HECW2: variants seen among roughly 807,000 people sequenced by gnomAD.
HECW2 encodes E3 ubiquitin-protein ligase HECW2.
A neutral mutation model predicts 175.2 loss-of-function variants in HECW2; 61 were observed. The ratio of observed to expected loss-of-function variants is 0.35; its 90% CI spans 0.28 to 0.43. The LOEUF (loss-of-function observed/expected upper bound fraction) is 0.43, where lower values mean the gene tolerates loss of function less well. HECW2 is among the 20% of genes least tolerant of loss of function. The probability of loss-of-function intolerance (pLI) is 1.00; values close to 1 mark genes in which losing one functional copy is unlikely to be tolerated. For synonymous variants in HECW2, 671 were observed against 731.0 expected (o/e 0.92, Z 1.32); for missense variants, 1,524 against 2,000.5 (o/e 0.76, Z 4.54).
At chr2:196,500,655 T>C (rs1335070376) in intron 1 of HECW2, among the ~76,000 whole-genome samples, 1 of 152,250 alleles carries the variant, frequency 6.6e-6, no homozygotes, top group African/African-American at 2.4e-5. Context: ...ATTCCTTACG[T>C]TGAATAACCT....
intron 2 of HECW2, among the ~76,000 whole-genome samples, chr2:196,355,262 T>C (rs1376482831): frequency 6.6e-6 from 1 of 152,240 alleles, no homozygotes; most frequent in Non-Finnish European, 1.5e-5. Context: ...CTGCTGTCAG[T>C]ACATGATTTT....
rs534641437 is a variant in HECW2, at chr2:196,560,729, C to T, written c.-36+32779G>A. On this transcript the variant is annotated intron_variant, in intron 1 of 28. Transcript: ENST00000644978. ...TCCCACAAAAAAGTCCATACTGTTGCGGGAAGTCAGGGACCGCGAACGGAG... is the reference window on the plus strand; with the variant it reads ...TCCCACAAAAAAGTCCATACTGTTGTGGGAAGTCAGGGACCGCGAACGGAG... 5.3e-5 allele frequency among the ~76,000 whole-genome samples: 8 copies of T among 152,234 alleles called. No homozygotes were observed. The South Asian group carries it at 1.0e-3, about 20-fold the overall frequency.
chr2:196,379,517 C>G (rs1472425443), intron 2 of HECW2, among the ~76,000 whole-genome samples: 1 of 151,968 alleles, frequency 6.6e-6, no homozygotes, highest in Non-Finnish European at 1.5e-5. Flanking sequence ...AACCCCGTCT[C>G]TACTAAAAAT....
chr2:196,521,945 A>G (rs1380135722), intron 1 of HECW2, among the ~76,000 whole-genome samples: 11 of 151,992 alleles, frequency 7.2e-5, no homozygotes, highest in South Asian at 2.1e-4. Flanking sequence ...ATAAACATAC[A>G]TGTGCCTGTG....
chr2:196,299,821 CG>C (rs1339250067), intron 13 of HECW2, among the ~76,000 whole-genome samples: 2 of 151,760 alleles, frequency 1.3e-5, no homozygotes, highest in Non-Finnish European at 2.9e-5. Context: ...CCCAGCTACC[CG>C]GGAGGCTGAG....
At chr2:196,388,064 G>A (rs1694400666) in intron 2 of HECW2, among the ~76,000 whole-genome samples, 2 of 152,120 alleles carry the variant, frequency 1.3e-5, no homozygotes, top group South Asian at 4.1e-4. Context: ...ACCAATGTGG[G>A]AGGATTGCTT....
At chr2:196,203,022 CCCTGT>C (rs1375736743) in intron 28 of HECW2, among the ~76,000 whole-genome samples, 6 of 152,126 alleles carry the variant, frequency 3.9e-5, no homozygotes, top group Non-Finnish European at 8.8e-5. Context: ...TTTGACTGCA[CCCTGT>C]CATATGAGGT....
chr2:196,488,111 T>A (rs1239785564), intron 1 of HECW2, among the ~76,000 whole-genome samples: 6 of 152,206 alleles, frequency 3.9e-5, no homozygotes, highest in Non-Finnish European at 8.8e-5. Context: ...AGTAAGACTG[T>A]CATTACCACA....
At chr2:196,463,253 C>T (rs1248277235) in intron 1 of HECW2, among the ~76,000 whole-genome samples, 12 of 151,928 alleles carry the variant, frequency 7.9e-5, no homozygotes, top group Non-Finnish European at 4.4e-5. Flanking sequence ...TAACTGTTAG[C>T]ATGGGTTACT....
At chr2:196,320,161 TG>T (rs1190069575) in intron 8 of HECW2, among the ~76,000 whole-genome samples, 177 bp downstream of exon 8, 1 of 152,206 alleles carries the variant, frequency 6.6e-6, no homozygotes, top group African/African-American at 2.4e-5. Context: ...GAGACATTTT[TG>T]GGCAAACAGC....
In HECW2 at chr2:196,220,058, G is replaced by C; in HGVS notation, c.4389C>G (p.Asn1463Lys). Residue 1463 changes from asparagine (N) to lysine (K), a missense_variant, in exon 26 of 29, where the codon AAC becomes AAG. By Grantham distance (94) the Asn-to-Lys change is moderately conservative. This residue lies in a region of HECW2 where 134 missense variants were observed against 287.8 expected (regional missense o/e 0.47). Transcript: ENST00000644978. Reference protein sequence around the residue: ...TAEIDLSDWRNNTEYRGGYHD... With the variant: ...TAEIDLSDWRKNTEYRGGYHD... ...TTTCACCTCCTCTATATTCTGTGTTGTTTCTCCAATCACTTAGGTCTATTT... is the reference window on the plus strand; with the variant it reads ...TTTCACCTCCTCTATATTCTGTGTTCTTTCTCCAATCACTTAGGTCTATTT... 1 of 1,607,048 alleles carries C rather than the reference G, an allele frequency of 6.2e-7. No individual in the cohort carries two copies. The highest frequency in any genetic ancestry group is 1.3e-5 in the African/African-American group (1 of 74,866).
chr2:196,294,372 C>T (rs796435789), intron 13 of HECW2, among the ~76,000 whole-genome samples: 3 of 152,338 alleles, frequency 2.0e-5, no homozygotes, highest in South Asian at 4.1e-4. Context: ...TCTTCTCAGA[C>T]TGATTCAAAG....
intron 1 of HECW2, among the ~76,000 whole-genome samples, chr2:196,442,072 T>C (rs1490970833): frequency 6.6e-6 from 1 of 152,026 alleles, no homozygotes; most frequent in Non-Finnish European, 1.5e-5. Context: ...TTAAAGACAG[T>C]TCAAGAATGC....
rs1394694335 is a variant in HECW2 at position 196,197,692 on chromosome 2, TC to T, written c.*3584del. On this transcript the variant is annotated 3_prime_UTR_variant, in exon 29 of 29. Coordinates refer to ENST00000644978, the MANE Select transcript of HECW2 (RefSeq NM_001348768.2). ...GAATATACTGGTACAAACATTAGTCTCCACATTTCTCAAGATGAAACACAGA... is the reference window on the plus strand; with the variant it reads ...GAATATACTGGTACAAACATTAGTCTCACATTTCTCAAGATGAAACACAGA... 1.7e-4 allele frequency: 26 copies of T among 152,176 alleles called. 1 individual carries two copies. The highest frequency in any genetic ancestry group is 1.5e-3 in the Admixed American group (23 of 15,276). 9.4% of individuals were successfully genotyped at this position (152,176 alleles called of 1,614,324 possible). A position where few individuals can be genotyped will look rare whatever the true frequency, so the allele number is the denominator to read the frequency against.
In HECW2 at chr2:196,343,668, T is replaced by C; in HGVS notation, c.389A>G (p.Tyr130Cys). The change falls in exon 3 of 29, where the codon TAT (tyrosine) becomes TGT (cysteine). Residue 130 changes from tyrosine to cysteine, a missense_variant. By Grantham distance (194) the Tyr-to-Cys change is radical. Transcript: ENST00000644978. ...QIVWRIEPGPYFMEPEIKICF... is the reference protein window; with the variant it reads ...QIVWRIEPGPCFMEPEIKICF... The stretch of plus-strand genomic sequence containing the variant: ...ACTTAGTTACTTACGTTCCATGAAA[T>C]AGGGCCCAGGCTCAATTCTCCATAC... 6.2e-7 allele frequency: 1 copy of C among 1,609,096 alleles called. No homozygotes were observed. Among genetic ancestry groups the C allele is most frequent in the Non-Finnish European group, 8.5e-7 (1 of 1,175,568 alleles).
At chr2:196,305,274 T>C (rs1691217756) in intron 13 of HECW2, among the ~76,000 whole-genome samples, 1 of 152,108 alleles carries the variant, frequency 6.6e-6, no homozygotes, top group Non-Finnish European at 1.5e-5. Context: ...CTAACCCCTC[T>C]CTCATAATAT....
chr2:196,388,096 G>A (rs566126470), intron 2 of HECW2, among the ~76,000 whole-genome samples: 2 of 152,072 alleles, frequency 1.3e-5, no homozygotes, highest in Admixed American at 1.3e-4. Flanking sequence ...TTCAAGACCA[G>A]ACTGGGCAAC....
intron 1 of HECW2, among the ~76,000 whole-genome samples, chr2:196,491,363 T>TACAC (rs1465103851): frequency 4.8e-4 from 33 of 68,602 alleles, no homozygotes; most frequent in Middle Eastern, 0.016. Flanking sequence ...CAAAATCATA[T>TACAC]ATATATACAC....
At chr2:196,575,727 C>T (rs978405834) in intron 1 of HECW2, among the ~76,000 whole-genome samples, 24 of 152,202 alleles carry the variant, frequency 1.6e-4, no homozygotes, top group Non-Finnish European at 2.5e-4. Flanking sequence ...GCAGGCTGTA[C>T]AAATAGCACC....
Sources: allele counts gnomAD v4.1 joint callset (sites outside exome capture counted in the v4.1 genomes callset), GRCh38; gene constraint gnomAD v4.1.1; regional missense constraint gnomAD v4.1.1; transcripts MANE v1.5; gene names NCBI Gene and HGNC (gene_info 2026-07-23, HGNC 2026-07-21).